The following HTT variants were observed in gnomAD, a reference collection of about 807,000 sequenced individuals.
The protein encoded by HTT is huntington disease protein.
Under a neutral mutation model 362.3 loss-of-function variants are expected in HTT, and 104 were observed. The ratio of observed to expected loss-of-function variants is 0.29; its 90% CI spans 0.24 to 0.34. HTT has a LOEUF of 0.34. HTT is among the 10% of genes least tolerant of loss of function. The pLI, the probability that HTT is intolerant of heterozygous loss-of-function variation, is 1.00. For missense variants in HTT, 3,301 were observed against 3,928.6 expected, an observed-to-expected ratio of 0.84 and a Z score of 4.27; for synonymous variants, 1,577 against 1,548.7, an observed-to-expected ratio of 1.02 and a Z score of -0.43.
intron 40 of HTT, among the ~76,000 whole-genome samples, chr4:3,198,065 G>A (rs564635020): frequency 2.3e-4 from 35 of 152,274 alleles, no homozygotes; most frequent in African/African-American, 8.2e-4. Context: ...AGAACTCCTC[G>A]TCGTGACCTG....
At chr4:3,141,762 C>CA (rs1351268302) in intron 22 of HTT, among the ~76,000 whole-genome samples, 1 of 152,002 alleles carries the variant, frequency 6.6e-6, no homozygotes, top group Non-Finnish European at 1.5e-5. Context: ...GACTCTGTCT[C>CA]AAAAAAAGAC....
At chr4:3,146,123 G>A (rs1716586882) in intron 24 of HTT, among the ~76,000 whole-genome samples, 1 of 152,140 alleles carries the variant, frequency 6.6e-6, no homozygotes, top group African/African-American at 2.4e-5. Flanking sequence ...TTCACAAGGG[G>A]TTGATATTTA....
intron 57 of HTT, among the ~76,000 whole-genome samples, chr4:3,227,108 T>TC (rs1425469771): frequency 6.6e-6 from 1 of 152,146 alleles, no homozygotes; most frequent in South Asian, 2.1e-4. Flanking sequence ...GTATTCCCTA[T>TC]CCCCCCAACC....
rs1281484940 is a variant in HTT, at chr4:3,228,718, C to T, written c.7952C>T (p.Ser2651Leu). The T allele has an allele frequency of 6.2e-7, 1 of 1,604,700 alleles. No homozygotes were observed. The highest frequency in any genetic ancestry group is 8.5e-7 in the Non-Finnish European group (1 of 1,174,614). The change falls in exon 58 of 67, where the codon TCA (serine) becomes TTA (leucine). Residue 2651 changes from serine (S) to leucine (L), a missense_variant. Coordinates refer to ENST00000355072, the MANE Select transcript of HTT (RefSeq NM_001388492.1). This position sits in a 1 kb window ranked among gnomAD's most constrained non-coding sequence, Gnocchi z 4.3. ...GAGGCCGACGCCCCTGCACCTTCGT[C>T]ACCACCCACGTCTCCAGTCAACTCC... ...EEEADAPAPSSPPTSPVNSRK... is the reference protein window; with the variant it reads ...EEEADAPAPSLPPTSPVNSRK...
intron 39 of HTT, 134 bp downstream of exon 39, chr4:3,188,020 T>G: frequency 1.6e-6 from 1 of 619,416 alleles, no homozygotes; most frequent in Non-Finnish European, 2.8e-6. Context: ...TGTATCAGTG[T>G]AATTTTCTAA....
intron 1 of HTT, among the ~76,000 whole-genome samples, chr4:3,082,136 T>C (rs1560538886): frequency 6.6e-6 from 1 of 152,210 alleles, no homozygotes; most frequent in Non-Finnish European, 1.5e-5. Context: ...TACTTAACAA[T>C]GTGTCATAGA....
chr4:3,138,881 G>A (rs1478720092), intron 21 of HTT, among the ~76,000 whole-genome samples: 1 of 152,168 alleles, frequency 6.6e-6, no homozygotes, highest in Non-Finnish European at 1.5e-5. Context: ...CCAAAGTGCT[G>A]GGATTACAGG....
chr4:3,127,510 A>G lies in HTT; in HGVS notation c.1649A>G (p.Asp550Gly). The part of the protein sequence containing the change: ...VPSDPAMDLN[D>G]GTQASSPISD... ...TCTGACCCTGCCATGGACCTGAATG[A>G]TGGGACCCAGGCCTCGTCGCCCATC... Residue 550 changes from aspartate (D) to glycine (G), a missense_variant, in exon 12 of 67, where the codon GAT becomes GGT. Asp to Gly is a moderately conservative substitution (Grantham distance 94). Around this residue, in one of 4 missense-constraint regions of HTT, gnomAD observed 2,316 missense variants for 2,658.5 expected, o/e 0.87. Coordinates refer to ENST00000355072, the MANE Select transcript of HTT (RefSeq NM_001388492.1). The G allele has an allele frequency of 6.2e-7, 1 of 1,614,190 alleles. No homozygotes were observed. The highest frequency in any genetic ancestry group is 8.5e-7 in the Non-Finnish European group (1 of 1,180,026).
Position 3,228,567 on chromosome 4 carries a change from C to A in HTT, c.7849-48C>A. On this transcript the variant is annotated intron_variant, in intron 57 of 66. Transcript: ENST00000355072. This position sits in a 1 kb window ranked among gnomAD's most constrained non-coding sequence, Gnocchi z 4.3. ...AGTGGCCACACCCACCCACCAGGAG[C>A]CTGGCACTGTGGCCGCAGCACTGAG... The A allele has an allele frequency of 6.6e-7, 1 of 1,515,286 alleles. No homozygotes were observed. The highest frequency in any genetic ancestry group is 8.8e-7 in the Non-Finnish European group (1 of 1,131,660). The allele number at this position is 1,515,286 out of a possible 1,614,324, so 93.9% of individuals were successfully genotyped here. A position where few individuals can be genotyped will look rare whatever the true frequency, so the allele number is the denominator to read the frequency against.
At position 3,127,582 on chromosome 4, in the gene HTT, C is replaced by A; in HGVS notation, c.1721C>A (p.Thr574Asn). The A allele has an allele frequency of 1.9e-6, 3 of 1,611,620 alleles. No individual in the cohort carries two copies. Among genetic ancestry groups the A allele is most frequent in the South Asian group, 2.2e-5 (2 of 91,046 alleles). The change falls in exon 12 of 67, where the codon ACC becomes AAC. Residue 574 changes from threonine (T) to asparagine (N), a missense_variant. Coordinates refer to ENST00000355072, the MANE Select transcript of HTT (RefSeq NM_001388492.1). The part of the protein sequence containing the change: ...TTTEGPDSAV[T>N]PSDSSEIVLD... The stretch of plus-strand genomic sequence containing the variant: ...ACCGAAGGGCCTGATTCAGCTGTTA[C>A]CCCTTCAGACAGTTCTGAAATTGTA...
At chr4:3,117,612 G>A (rs1354919123) in intron 8 of HTT, among the ~76,000 whole-genome samples, 2 of 152,062 alleles carry the variant, frequency 1.3e-5, no homozygotes, top group Admixed American at 6.5e-5. Flanking sequence ...CAAGCTGGGC[G>A]GATCACTTGA....
Position 3,084,184 on chromosome 4 carries a change from TG to T in HTT, c.264-2753del, listed in dbSNP as rs1191403107. ...GGACAACACAGGGGAATACTTGTAA[TG>T]GAAATGCTTTGTCTTTTTTTTTTTT... is the stretch of plus-strand genomic sequence containing the variant. On this transcript the variant is annotated intron_variant, in intron 1 of 66. Transcript: ENST00000355072. Among the ~76,000 whole-genome samples the T allele has an allele frequency of 4.1e-5, 6 of 145,360 alleles. No homozygotes were observed. In the East Asian group the frequency reaches 1.2e-3, roughly 30 times the overall value.
intron 60 of HTT, among the ~76,000 whole-genome samples, chr4:3,231,138 T>C (rs1024862469): frequency 6.6e-6 from 1 of 152,246 alleles, no homozygotes; most frequent in African/African-American, 2.4e-5. Context: ...TTCCTTGTCA[T>C]GTGGCATTAC....
At chr4:3,078,977 C>T (rs1045229369) in intron 1 of HTT, among the ~76,000 whole-genome samples, 3 of 152,090 alleles carry the variant, frequency 2.0e-5, no homozygotes, top group South Asian at 4.2e-4. Context: ...CCTCGTCATC[C>T]GCCGACCTTG....
rs894494141 is a variant in HTT at position 3,196,744 on chromosome 4, A to C, written c.5369-2988A>C. Among the ~76,000 whole-genome samples the C allele has an allele frequency of 7.9e-5, 12 of 152,092 alleles. 1 individual carries two copies. Among genetic ancestry groups the C allele is most frequent in the Admixed American group, 2.6e-4 (4 of 15,278 alleles). ...ACAGAGTGAGACCCTGTCTGAAAAA[A>C]AAAAAAAAATCCATTGCATACTTCA... On this transcript the variant is annotated intron_variant, in intron 40 of 66. Coordinates refer to ENST00000355072, the MANE Select transcript of HTT (RefSeq NM_001388492.1).
intron 23 of HTT, among the ~76,000 whole-genome samples, chr4:3,143,343 A>T (rs1376311365): frequency 6.7e-6 from 1 of 148,286 alleles, no homozygotes; most frequent in Non-Finnish European, 1.5e-5. Context: ...AGGCTGAGGC[A>T]GGAGAATCGC....
At chr4:3,235,515 C>T in intron 62 of HTT, 50 bp from the exon 63 acceptor site, 2 of 1,582,394 alleles carry the variant, frequency 1.3e-6, no homozygotes, top group Non-Finnish European at 1.7e-6. Context: ...GCATGAACAC[C>T]TGAGACTGTG....
chr4:3,080,486 A>G (rs1156359393), intron 1 of HTT, among the ~76,000 whole-genome samples: 1 of 152,084 alleles, frequency 6.6e-6, no homozygotes, highest in Non-Finnish European at 1.5e-5. Context: ...ATAGTTCTTT[A>G]TATATTCTGG....
In HTT at chr4:3,198,588, G is replaced by GGA. The variant is rs975852779; in HGVS notation, c.5369-1140_5369-1139dup. Among the ~76,000 whole-genome samples, 30 of 152,318 alleles carry GGA rather than the reference G, an allele frequency of 2.0e-4. 1 individual carries two copies. Among genetic ancestry groups the GGA allele is most frequent in the African/African-American group, 7.0e-4 (29 of 41,572 alleles). The stretch of plus-strand genomic sequence containing the variant: ...TGATGCCAGGCAGCCCAGATCTGGG[G>GGA]GAGAGGGTGGCCTTGGCCAGCTGGG... On this transcript the variant is annotated intron_variant, in intron 40 of 66. Transcript: ENST00000355072.
Sources: gnomAD v4.1 joint callset for allele counts (sites outside exome capture counted in the v4.1 genomes callset) on GRCh38, gnomAD v4.1.1 for gene constraint, gnomAD v4.1.1 regional missense constraint, Gnocchi (gnomAD v3.1) non-coding constraint, MANE v1.5 for transcripts, NCBI Gene and HGNC (gene_info 2026-07-23, HGNC 2026-07-21) for gene names.